Variants in DNAJC1 observed in about 807,000 individuals in gnomAD.
DNAJC1 encodes DnaJ heat shock protein family (Hsp40) member C1.
A neutral mutation model predicts 76.6 loss-of-function variants in DNAJC1; 58 were observed. The ratio of observed to expected loss-of-function variants is 0.76; its 90% confidence interval spans 0.61 to 0.94. The LOEUF (loss-of-function observed/expected upper bound fraction) is 0.94. Among genes scored for constraint, DNAJC1 ranks in the 40% least tolerant of loss-of-function variants. The pLI is 0.00. For missense variants in DNAJC1, 689 were observed against 677.3 expected (o/e 1.02, Z -0.19); for synonymous variants, 258 against 267.9 (o/e 0.96, Z 0.36).
rs765139210 is a variant in DNAJC1 at position 21,904,618 on chromosome 10, GA to G, written c.730-7del. On this transcript the variant is annotated splice_polypyrimidine_tract_variant and splice_region_variant and intron_variant, in intron 6 of 11. Coordinates refer to ENST00000376980, the MANE Select transcript of DNAJC1 (RefSeq NM_022365.4). ...GCATAAAACTGCCCAGCATCCTTAAGAAAAAAAGTTATACATAAATTAACAT... is the reference window on the plus strand; with the variant it reads ...GCATAAAACTGCCCAGCATCCTTAAGAAAAAAGTTATACATAAATTAACAT... 16 of 1,553,266 alleles carry G rather than the reference GA, an allele frequency of 1.0e-5. No homozygotes were observed. The highest frequency in any genetic ancestry group is 9.3e-5 in the Admixed American group (5 of 53,736).
At chr10:21,788,602 C>T (rs1294888732) in intron 9 of DNAJC1, among the ~76,000 whole-genome samples, 5 of 152,156 alleles carry the variant, frequency 3.3e-5, no homozygotes, top group Admixed American at 1.3e-4. Context: ...AAACGACAGC[C>T]ATGTTCGGCC....
chr10:21,778,598 GA>G (rs199735834), intron 9 of DNAJC1, among the ~76,000 whole-genome samples: 3 of 151,500 alleles, frequency 2.0e-5, no homozygotes, highest in Non-Finnish European at 4.4e-5. Flanking sequence ...GTACTTACAA[GA>G]AAAAAAAATT....
At chr10:21,883,987 C>A (rs1233806664) in intron 7 of DNAJC1, among the ~76,000 whole-genome samples, 1 of 151,934 alleles carries the variant, frequency 6.6e-6, no homozygotes, top group Non-Finnish European at 1.5e-5. Context: ...CAAATAAATT[C>A]CAGATAGAGA....
chr10:21,961,904 C>T (rs964705089), intron 1 of DNAJC1, among the ~76,000 whole-genome samples: 3 of 152,146 alleles, frequency 2.0e-5, no homozygotes, highest in Non-Finnish European at 2.9e-5. Flanking sequence ...TCAGGCCTCC[C>T]TCATGTTCCC....
intron 1 of DNAJC1, among the ~76,000 whole-genome samples, chr10:21,998,968 G>A (rs1016397971): frequency 3.3e-5 from 5 of 152,178 alleles, no homozygotes; most frequent in African/African-American, 4.8e-5. Flanking sequence ...ACTTGTCCAA[G>A]GTCATAAGGT....
chr10:21,988,548 T>C (rs1272018030), intron 1 of DNAJC1, among the ~76,000 whole-genome samples: 2 of 152,170 alleles, frequency 1.3e-5, no homozygotes, highest in Non-Finnish European at 2.9e-5. Flanking sequence ...CTCTATAAAC[T>C]GCTTAAAGCT....
chr10:21,805,603 A>C (rs1834874148), intron 9 of DNAJC1, among the ~76,000 whole-genome samples: 1 of 152,154 alleles, frequency 6.6e-6, no homozygotes, highest in Non-Finnish European at 1.5e-5. Flanking sequence ...TCTAAATAGC[A>C]ATCGCAATCT....
At chr10:21,870,361 A>C (rs1564812988) in intron 8 of DNAJC1, among the ~76,000 whole-genome samples, 2 of 152,166 alleles carry the variant, frequency 1.3e-5, no homozygotes, top group African/African-American at 4.8e-5. Context: ...AAGAAACTCC[A>C]AATTCCACCC....
At chr10:21,832,133 A>C (rs1325501052) in intron 8 of DNAJC1, among the ~76,000 whole-genome samples, 1 of 152,196 alleles carries the variant, frequency 6.6e-6, no homozygotes, top group Admixed American at 6.5e-5. Context: ...AATACATGTA[A>C]ATTCTCACAG....
intron 6 of DNAJC1, among the ~76,000 whole-genome samples, chr10:21,905,186 A>G (rs970935049): frequency 5.9e-5 from 9 of 151,850 alleles, no homozygotes; most frequent in Admixed American, 4.6e-4. Context: ...CTGCATACAT[A>G]TACTTAGGTG....
intron 1 of DNAJC1, among the ~76,000 whole-genome samples, chr10:21,994,315 CTG>C (rs1838377826): frequency 6.6e-6 from 1 of 152,164 alleles, no homozygotes; most frequent in Non-Finnish European, 1.5e-5. Context: ...TGTTGAAAAA[CTG>C]TGAAGCTTTC....
chr10:21,936,792 G>T (rs183905675), intron 1 of DNAJC1, among the ~76,000 whole-genome samples: 2 of 151,738 alleles, frequency 1.3e-5, no homozygotes, highest in East Asian at 1.9e-4. Context: ...TACAGTAAAA[G>T]AAATGAAAAG....
At chr10:21,903,199 G>A (rs112179415) in intron 7 of DNAJC1, among the ~76,000 whole-genome samples, 1,951 of 152,274 alleles carry the variant, frequency 0.013, 40 homozygotes, top group African/African-American at 0.044. Context: ...GATTACAGGC[G>A]TAAGCCACTG....
At chr10:21,981,512 A>G (rs143874954) in intron 1 of DNAJC1, among the ~76,000 whole-genome samples, 76 of 152,328 alleles carry the variant, frequency 5.0e-4, no homozygotes, top group African/African-American at 1.8e-3. Flanking sequence ...AACAATTACA[A>G]AATAACAGTT....
At chr10:21,837,483 C>T (rs577338887) in intron 8 of DNAJC1, among the ~76,000 whole-genome samples, 9 of 151,362 alleles carry the variant, frequency 5.9e-5, no homozygotes, top group African/African-American at 2.2e-4. Flanking sequence ...TCTGCCCGGC[C>T]GCCCATCGTC....
At chr10:21,826,264 G>A (rs72804396) in intron 8 of DNAJC1, among the ~76,000 whole-genome samples, 19,116 of 106,636 alleles carry the variant, frequency 0.18, 1,410 homozygotes, top group East Asian at 0.36. Flanking sequence ...AAGAGGAGAC[G>A]AAAATATATC....
At chr10:21,927,144 C>A (rs577989952) in intron 3 of DNAJC1, among the ~76,000 whole-genome samples, 54 of 152,278 alleles carry the variant, frequency 3.5e-4, no homozygotes, top group Non-Finnish European at 6.6e-4. Flanking sequence ...TGGACTCTTT[C>A]AACACTATGG....
At chr10:21,888,822 G>A (rs1017591625) in intron 7 of DNAJC1, among the ~76,000 whole-genome samples, 1 of 152,004 alleles carries the variant, frequency 6.6e-6, no homozygotes, top group Admixed American at 6.6e-5. Context: ...GATAACTATT[G>A]GGTACTGGAC....
In DNAJC1 at chr10:21,848,235, CTTG is replaced by C. The variant is rs1365881332; in HGVS notation, c.978+34044_978+34046del. Among the ~76,000 whole-genome samples, 25 of 152,210 alleles carry C rather than the reference CTTG, an allele frequency of 1.6e-4. No individual in the cohort carries two copies. In the East Asian group the frequency reaches 3.5e-3, roughly 21 times the overall value. ...GATACTAAGCATTTATTTTCATATA[CTTG>C]TTGGCCATTTCTATGCCTTCTTTCG... is the stretch of plus-strand genomic sequence containing the variant. On this transcript the variant is annotated intron_variant, in intron 8 of 11. Transcript: ENST00000376980.
Sources: gnomAD v4.1 joint callset for allele counts (sites outside exome capture counted in the v4.1 genomes callset) on GRCh38, gnomAD v4.1.1 for gene constraint, MANE v1.5 for transcripts, NCBI Gene and HGNC (gene_info 2026-07-23, HGNC 2026-07-21) for gene names.